Variants in SMG6 observed in about 807,000 individuals in gnomAD.
The protein encoded by SMG6 is SMG6 nonsense mediated mRNA decay factor.
SMG6 carries 66 observed loss-of-function variants against 142.2 expected under a neutral mutation model. That is an observed-to-expected ratio of 0.46 (90% CI 0.38 to 0.57). The LOEUF (loss-of-function observed/expected upper bound fraction) is 0.57. Ranked by LOEUF, SMG6 falls within the 20% of genes least tolerant of loss-of-function variation. SMG6 has a pLI of 0.00. For missense variants in SMG6, 1,793 were observed against 1,832.0 expected, an observed-to-expected ratio of 0.98 and a Z score of 0.39; for synonymous variants, 779 against 702.4, an observed-to-expected ratio of 1.11 and a Z score of -1.72.
At chr17:2,244,280 C>A (rs1490233575) in intron 9 of SMG6, among the ~76,000 whole-genome samples, 1 of 152,204 alleles carries the variant, frequency 6.6e-6, no homozygotes. Flanking sequence ...GGACAGTATT[C>A]TTCCCAAGGA....
intron 8 of SMG6, among the ~76,000 whole-genome samples, chr17:2,263,427 T>G (rs527680407): frequency 1.1e-4 from 17 of 152,338 alleles, no homozygotes; most frequent in Admixed American, 4.6e-4. Flanking sequence ...CTCTGATGGT[T>G]CTAAGCATGA....
chr17:2,183,658 G>A (rs1047826533), intron 12 of SMG6, among the ~76,000 whole-genome samples: 3 of 151,776 alleles, frequency 2.0e-5, no homozygotes, highest in Non-Finnish European at 4.4e-5. Context: ...AATAGTACTC[G>A]TTTGATTTTT....
intron 9 of SMG6, among the ~76,000 whole-genome samples, chr17:2,242,620 G>A (rs1460558390): frequency 7.1e-6 from 1 of 141,568 alleles, no homozygotes; most frequent in Non-Finnish European, 1.5e-5. Context: ...AGGCTATAGT[G>A]CGGTATGATC....
intron 9 of SMG6, among the ~76,000 whole-genome samples, chr17:2,240,919 G>C (rs2073785615): frequency 2.6e-5 from 4 of 152,186 alleles, no homozygotes; most frequent in Admixed American, 1.3e-4. Context: ...TCGTAATTAG[G>C]CAACAGTCTA....
intron 8 of SMG6, among the ~76,000 whole-genome samples, chr17:2,252,970 A>G (rs995273441): frequency 3.3e-5 from 5 of 152,104 alleles, no homozygotes; most frequent in Non-Finnish European, 5.9e-5. Flanking sequence ...TATATGAAAT[A>G]TAAATTTCAG....
intron 6 of SMG6, among the ~76,000 whole-genome samples, chr17:2,289,208 C>T (rs1168498392): frequency 6.6e-6 from 1 of 151,634 alleles, no homozygotes; most frequent in African/African-American, 2.4e-5. Flanking sequence ...TGAGGTCATG[C>T]CACTGTATTC....
At chr17:2,196,242 T>G (rs1759540239) in intron 10 of SMG6, among the ~76,000 whole-genome samples, 1 of 152,072 alleles carries the variant, frequency 6.6e-6, no homozygotes, top group African/African-American at 2.4e-5. Flanking sequence ...GCCAACATGG[T>G]GAAACCCTGT....
intron 10 of SMG6, among the ~76,000 whole-genome samples, chr17:2,228,719 G>A (rs774538966): frequency 2.2e-4 from 34 of 152,120 alleles, no homozygotes; most frequent in Non-Finnish European, 4.3e-4. Flanking sequence ...ATACATACTA[G>A]GTGATAACAC....
At chr17:2,152,606 A>G (rs1304040847) in intron 13 of SMG6, among the ~76,000 whole-genome samples, 2 of 152,268 alleles carry the variant, frequency 1.3e-5, no homozygotes, top group Non-Finnish European at 2.9e-5. Context: ...GATGCTCAAC[A>G]TCATTAGCCA....
rs191133452 is a variant in SMG6 at position 2,282,662 on chromosome 17, G to T, written c.2646C>A (p.Ser882Arg). The T allele has an allele frequency of 9.0e-5, 146 of 1,613,948 alleles. 1 individual carries two copies. In the East Asian group the frequency reaches 2.8e-3, roughly 31 times the overall value. The change falls in exon 8 of 19, where the codon AGC (serine) becomes AGA (arginine). Residue 882 changes from serine to arginine, a missense_variant. Coordinates refer to ENST00000263073, the MANE Select transcript of SMG6 (RefSeq NM_017575.5). ...AGGAACTTACATCACTGGGACTCAGGCTGCCCAGCCCATTCTCTTGCTCAG... is the reference window on the plus strand; with the variant it reads ...AGGAACTTACATCACTGGGACTCAGTCTGCCCAGCCCATTCTCTTGCTCAG... ...KDSEQENGLGSLSPSDLNKRF... is the reference protein window; with the variant it reads ...KDSEQENGLGRLSPSDLNKRF...
chr17:2,077,567 T>C (rs2068295229), intron 15 of SMG6, among the ~76,000 whole-genome samples: 1 of 152,230 alleles, frequency 6.6e-6, no homozygotes, highest in Non-Finnish European at 1.5e-5. Context: ...TGGGTGTCAC[T>C]GTCCAGGCAG....
At chr17:2,147,582 T>A (rs1276684158) in intron 13 of SMG6, among the ~76,000 whole-genome samples, 1 of 151,066 alleles carries the variant, frequency 6.6e-6, no homozygotes, top group Admixed American at 6.6e-5. Flanking sequence ...TAAAAAAAAA[T>A]GATCAGAGCC....
chr17:2,192,843 G>A (rs188197457), intron 10 of SMG6, among the ~76,000 whole-genome samples: 112 of 152,342 alleles, frequency 7.4e-4, no homozygotes, highest in Non-Finnish European at 8.7e-4. Flanking sequence ...GGTAGAGGAA[G>A]CAGTCGCTGT....
intron 8 of SMG6, among the ~76,000 whole-genome samples, chr17:2,266,696 G>A (rs768761462): frequency 2.6e-5 from 4 of 152,152 alleles, no homozygotes; most frequent in South Asian, 2.1e-4. Flanking sequence ...GAAACAAAAC[G>A]GATAGGATAA....
chr17:2,215,492 GTTTAT>G (rs2072989950), intron 10 of SMG6: 1 of 152,092 alleles, frequency 6.6e-6, no homozygotes, highest in African/African-American at 2.4e-5. Flanking sequence ...TCATGGAGAG[GTTTAT>G]TTTATTAGTT....
Position 2,173,003 on chromosome 17 carries a change from A to G in SMG6, c.3156-144T>C, listed in dbSNP as rs2071552650. The G allele has an allele frequency of 6.5e-6, 5 of 764,618 alleles. No homozygotes were observed. The East Asian group carries it at 1.3e-4, about 21-fold the overall frequency. The allele number at this position is 764,618 out of a possible 1,614,324, so 47.4% of individuals were successfully genotyped here. On this transcript the variant is annotated intron_variant, in intron 12 of 18. Transcript: ENST00000263073. ...CAGGAAATCATACCCCAAAAATGCT[A>G]GGAAACAAAACTGTGCCCAAGGCAG...
At chr17:2,145,978 C>T (rs990366561) in intron 13 of SMG6, among the ~76,000 whole-genome samples, 10 of 151,754 alleles carry the variant, frequency 6.6e-5, no homozygotes, top group Non-Finnish European at 1.3e-4. Context: ...ATCTGAATAA[C>T]TAAAAATATT....
At chr17:2,247,828 T>C (rs550547673) in intron 8 of SMG6, among the ~76,000 whole-genome samples, 101 of 151,604 alleles carry the variant, frequency 6.7e-4, no homozygotes, top group African/African-American at 2.3e-3. Context: ...GCATGGTGGC[T>C]TACGCCTGTA....
At chr17:2,087,016 T>A in intron 13 of SMG6, 3 of 1,289,538 alleles carry the variant, frequency 2.3e-6, no homozygotes, top group Non-Finnish European at 3.0e-6. Flanking sequence ...CGTTTCTTAG[T>A]GTGAAAGGAA....
Sources: gnomAD v4.1 joint callset for allele counts (sites outside exome capture counted in the v4.1 genomes callset) on GRCh38, gnomAD v4.1.1 for gene constraint, MANE v1.5 for transcripts, NCBI Gene and HGNC (gene_info 2026-07-23, HGNC 2026-07-21) for gene names.